Variants in RAI1 observed in about 807,000 individuals in gnomAD.
The protein encoded by RAI1 is retinoic acid induced 1.
Under a neutral mutation model 123.8 loss-of-function variants are expected in RAI1, and 9 were observed. The ratio of observed to expected loss-of-function variants is 0.07; its 90% CI spans 0.04 to 0.13. RAI1 has a LOEUF of 0.13. Ranked by LOEUF, RAI1 falls within the 10% of genes least tolerant of loss-of-function variation. The pLI, the probability that RAI1 is intolerant of heterozygous loss-of-function variation, is 1.00. For missense variants in RAI1, 2,256 were observed against 2,545.8 expected (o/e 0.89, Z 2.45); for synonymous variants, 1,231 against 1,127.3 (o/e 1.09, Z -1.84).
intron 2 of RAI1, among the ~76,000 whole-genome samples, chr17:17,791,933 C>G (rs570223175): frequency 1.2e-4 from 19 of 152,306 alleles, no homozygotes; most frequent in Admixed American, 1.2e-3. Context: ...AGCCCCATCC[C>G]CTAAAATCAT....
intron 1 of RAI1, among the ~76,000 whole-genome samples, chr17:17,699,647 A>G (rs1915149990): frequency 6.6e-6 from 1 of 151,580 alleles, no homozygotes; most frequent in Non-Finnish European, 1.5e-5. Context: ...GGGGAATCAA[A>G]TGAATTGCCA....
chr17:17,689,403 C>T (rs1335039791), intron 1 of RAI1, among the ~76,000 whole-genome samples: 1 of 152,116 alleles, frequency 6.6e-6, no homozygotes, highest in Non-Finnish European at 1.5e-5. Flanking sequence ...ACACATGGGG[C>T]GGGTGAGAAT....
intron 2 of RAI1, among the ~76,000 whole-genome samples, chr17:17,743,372 C>T (rs1177226603): frequency 6.6e-6 from 1 of 152,184 alleles, no homozygotes; most frequent in African/African-American, 2.4e-5. Flanking sequence ...GGAATCTGTA[C>T]CCAGTGCTAT....
chr17:17,688,310 C>A (rs1267943662), intron 1 of RAI1, among the ~76,000 whole-genome samples: 2 of 151,980 alleles, frequency 1.3e-5, no homozygotes, highest in Non-Finnish European at 2.9e-5. Flanking sequence ...CATGATGAAA[C>A]CCATCTCTAC....
chr17:17,688,561 T>C (rs1310887477), intron 1 of RAI1, among the ~76,000 whole-genome samples: 2 of 152,172 alleles, frequency 1.3e-5, no homozygotes. Flanking sequence ...TCAGCTGGGA[T>C]ATCATTGCTG....
At position 17,682,377 on chromosome 17, in the gene RAI1, C is replaced by G. The variant is rs537131851; in HGVS notation, c.-149+584C>G. The stretch of plus-strand genomic sequence containing the variant: ...GGCCCCGGGGCCTGTGCGCAGGCCC[C>G]GAGGCCGGGCAGGAAGCGGCCCCCG... On this transcript the variant is annotated intron_variant, in intron 1 of 5. Coordinates refer to ENST00000353383, the MANE Select transcript of RAI1 (RefSeq NM_030665.4). The G allele has an allele frequency of 4.8e-3, 724 of 151,248 alleles. 9 individuals carry two copies. The highest frequency in any genetic ancestry group is 0.016 in the African/African-American group (680 of 41,250). 9.4% of individuals were successfully genotyped at this position (151,248 alleles called of 1,614,324 possible). A position where few individuals can be genotyped will look rare whatever the true frequency, so the allele number is the denominator to read the frequency against.
chr17:17,691,406 G>C (rs150462217), intron 1 of RAI1, among the ~76,000 whole-genome samples: 1 of 152,252 alleles, frequency 6.6e-6, no homozygotes. Context: ...AGCATAGAGC[G>C]TGGTAGGTGA....
At chr17:17,765,407 C>T (rs1052607270) in intron 2 of RAI1, among the ~76,000 whole-genome samples, 11 of 152,228 alleles carry the variant, frequency 7.2e-5, no homozygotes, top group Non-Finnish European at 7.3e-5. Flanking sequence ...ACATCCCCAG[C>T]GTGGACTTGT....
intron 2 of RAI1, among the ~76,000 whole-genome samples, chr17:17,729,045 G>A (rs866714095): frequency 2.6e-5 from 4 of 152,252 alleles, no homozygotes; most frequent in Non-Finnish European, 5.9e-5. Context: ...CACTAGCCTG[G>A]AGCAGCCTTG....
At chr17:17,699,632 G>GC (rs1001042374) in intron 1 of RAI1, among the ~76,000 whole-genome samples, 6 of 149,826 alleles carry the variant, frequency 4.0e-5, no homozygotes, top group Admixed American at 1.3e-4. Flanking sequence ...GGGGGGCCGG[G>GC]GGGGGGGGAA....
At chr17:17,808,880 C>T (rs1320108153) in intron 4 of RAI1, among the ~76,000 whole-genome samples, 2 of 152,216 alleles carry the variant, frequency 1.3e-5, no homozygotes, top group Non-Finnish European at 1.5e-5. Context: ...TGCAACACCA[C>T]TACCAGTCCG....
chr17:17,708,427 C>CAT (rs57594840), intron 1 of RAI1, among the ~76,000 whole-genome samples: 25 of 151,408 alleles, frequency 1.7e-4, no homozygotes, highest in African/African-American at 2.9e-4. Context: ...CACACACACA[C>CAT]ATATATATAT....
At position 17,685,152 on chromosome 17, in the gene RAI1, C is replaced by G. The variant is rs115053427; in HGVS notation, c.-149+3359C>G. The G allele has an allele frequency of 2.0e-5, 3 of 152,256 alleles. No individual in the cohort carries two copies. Among genetic ancestry groups the G allele is most frequent in the African/African-American group, 7.2e-5 (3 of 41,468 alleles). 9.4% of individuals were successfully genotyped at this position (152,256 alleles called of 1,614,324 possible). A position where few individuals can be genotyped will look rare whatever the true frequency, so the allele number is the denominator to read the frequency against. On this transcript the variant is annotated intron_variant, in intron 1 of 5. Transcript: ENST00000353383. This position sits in a 1 kb window ranked among gnomAD's most constrained non-coding sequence, Gnocchi z 4.0. ...GCCATGGCATGGGTGTCTTTTTCCT[C>G]CCCTATCCAACGTGTGGCTCCACAG...
chr17:17,749,775 C>T (rs889208501), intron 2 of RAI1, among the ~76,000 whole-genome samples: 31 of 152,228 alleles, frequency 2.0e-4, no homozygotes, highest in Non-Finnish European at 4.4e-4. Context: ...CTGTAAGCTC[C>T]ATGAAAGTGG....
At chr17:17,748,415 G>C (rs956308881) in intron 2 of RAI1, among the ~76,000 whole-genome samples, 7 of 152,158 alleles carry the variant, frequency 4.6e-5, no homozygotes, top group Admixed American at 4.6e-4. Context: ...AGGTTGATTG[G>C]GTGGTTTTTG....
chr17:17,755,784 C>T (rs1228237274), intron 2 of RAI1, among the ~76,000 whole-genome samples: 1 of 152,190 alleles, frequency 6.6e-6, no homozygotes, highest in East Asian at 1.9e-4. Context: ...CCCCTGGCAC[C>T]CAGCATCCCT....
chr17:17,769,188 G>A (rs973544573), intron 2 of RAI1, among the ~76,000 whole-genome samples: 1 of 152,244 alleles, frequency 6.6e-6, no homozygotes, highest in Admixed American at 6.5e-5. Context: ...TGCTGGCGTG[G>A]TCTCCTCACA....
At chr17:17,775,201 ATTT>A (rs56152905) in intron 2 of RAI1, among the ~76,000 whole-genome samples, 8 of 123,416 alleles carry the variant, frequency 6.5e-5, no homozygotes, top group Admixed American at 1.7e-4. Flanking sequence ...TTCATGTGTA[ATTT>A]TTTTTTTTTT....
intron 2 of RAI1, among the ~76,000 whole-genome samples, chr17:17,770,332 C>T (rs1479485946): frequency 6.6e-6 from 1 of 152,120 alleles, no homozygotes; most frequent in Non-Finnish European, 1.5e-5. Context: ...AACATAAAAC[C>T]AGAGAATTAT....
Sources: gnomAD v4.1 joint callset for allele counts (sites outside exome capture counted in the v4.1 genomes callset) on GRCh38, gnomAD v4.1.1 for gene constraint, Gnocchi (gnomAD v3.1) non-coding constraint, MANE v1.5 for transcripts, NCBI Gene and HGNC (gene_info 2026-07-23, HGNC 2026-07-21) for gene names.